RASGRF2: variants seen among roughly 807,000 people sequenced by gnomAD.
RASGRF2 encodes Ras protein specific guanine nucleotide releasing factor 2, also known as ras-specific guanine nucleotide-releasing factor 2.
A neutral mutation model predicts 151.0 loss-of-function variants in RASGRF2; 76 were observed. The observed-to-expected ratio is 0.50, with a 90% confidence interval of 0.42 to 0.61. The LOEUF (loss-of-function observed/expected upper bound fraction) is 0.61. Ranked by LOEUF, RASGRF2 falls within the 20% of genes least tolerant of loss-of-function variation. The probability of loss-of-function intolerance (pLI) is 0.00; values close to 1 mark genes in which losing one functional copy is unlikely to be tolerated. For synonymous variants in RASGRF2, 504 were observed against 566.5 expected (o/e 0.89, Z 1.57); for missense variants, 1,148 against 1,564.6 (o/e 0.73, Z 4.49).
chr5:81,128,435 C>A (rs1247287970), intron 17 of RASGRF2, among the ~76,000 whole-genome samples: 1 of 152,138 alleles, frequency 6.6e-6, no homozygotes, highest in African/African-American at 2.4e-5. Flanking sequence ...GCAAAAGCTC[C>A]TTCAGGTGAG....
intron 5 of RASGRF2, among the ~76,000 whole-genome samples, chr5:81,079,312 T>C (rs1305886758): frequency 6.6e-6 from 1 of 152,230 alleles, no homozygotes; most frequent in Non-Finnish European, 1.5e-5. Context: ...TAAATTAGAA[T>C]CTCATGGAGC....
chr5:81,112,981 A>C, intron 14 of RASGRF2, 123 bp downstream of exon 14: 1 of 1,270,526 alleles, frequency 7.9e-7, no homozygotes, highest in Non-Finnish European at 1.1e-6. Context: ...CTTGCCTCTG[A>C]ATGTACCATG....
At chr5:81,213,745 A>C (rs1009248714) in intron 23 of RASGRF2, among the ~76,000 whole-genome samples, 1 of 152,104 alleles carries the variant, frequency 6.6e-6, no homozygotes, top group Non-Finnish European at 1.5e-5. Context: ...TCAGAGTAAA[A>C]ATGCAGTGCT....
At chr5:80,995,990 G>A (rs1447631592) in intron 1 of RASGRF2, among the ~76,000 whole-genome samples, 1 of 151,976 alleles carries the variant, frequency 6.6e-6, no homozygotes, top group Non-Finnish European at 1.5e-5. Context: ...ACTGCACCCA[G>A]CCCCAAACCA....
At chr5:81,086,974 C>T (rs751138149) in intron 9 of RASGRF2, 21 bp downstream of exon 9, 20 of 1,582,278 alleles carry the variant, frequency 1.3e-5, no homozygotes, top group Non-Finnish European at 1.4e-5. Flanking sequence ...GTGAAATGGA[C>T]CCGCGACCTG....
chr5:80,967,682 C>G (rs543380856), intron 1 of RASGRF2, among the ~76,000 whole-genome samples: 69 of 152,180 alleles, frequency 4.5e-4, no homozygotes, highest in Non-Finnish European at 8.2e-4. Context: ...CTAATGTAAA[C>G]AGTGGGGTCA....
chr5:81,136,159 A>G (rs1039846370), intron 17 of RASGRF2, among the ~76,000 whole-genome samples: 2 of 152,178 alleles, frequency 1.3e-5, no homozygotes, highest in African/African-American at 4.8e-5. Flanking sequence ...ACTTTAAGCA[A>G]AGTTATCTTT....
intron 17 of RASGRF2, among the ~76,000 whole-genome samples, chr5:81,155,451 C>T (rs879397908): frequency 6.6e-6 from 1 of 152,088 alleles, no homozygotes; most frequent in African/African-American, 2.4e-5. Context: ...AAATCTTAAA[C>T]TAGATTGATC....
At chr5:81,036,153 A>G (rs545022075) in intron 1 of RASGRF2, among the ~76,000 whole-genome samples, 3 of 151,972 alleles carry the variant, frequency 2.0e-5, no homozygotes, top group Admixed American at 1.3e-4. Context: ...AATGTTTTTC[A>G]TTTTGGTCTT....
At position 81,189,553 on chromosome 5, in the gene RASGRF2, C is replaced by T. The variant is rs185753989; in HGVS notation, c.2793+9272C>T. Among the ~76,000 whole-genome samples the T allele has an allele frequency of 3.0e-3, 452 of 149,876 alleles. 4 individuals carry two copies. Among genetic ancestry groups the T allele is most frequent in the Middle Eastern group, 7.0e-3 (2 of 286 alleles). On this transcript the variant is annotated intron_variant, in intron 18 of 26. Coordinates refer to ENST00000265080, the MANE Select transcript of RASGRF2 (RefSeq NM_006909.3). ...TCACCCAGGCTGGGGGGCAGTGGTG[C>T]GATCGTAGCTCACTATAGCCTTGAC...
intron 2 of RASGRF2, among the ~76,000 whole-genome samples, chr5:81,063,870 A>C (rs1751516617): frequency 6.6e-6 from 1 of 152,080 alleles, no homozygotes; most frequent in Non-Finnish European, 1.5e-5. Context: ...CTTATGTCTA[A>C]TATCCTTCCA....
chr5:81,037,295 G>A (rs1011157694), intron 1 of RASGRF2, among the ~76,000 whole-genome samples: 1 of 152,176 alleles, frequency 6.6e-6, no homozygotes, highest in Non-Finnish European at 1.5e-5. Flanking sequence ...TAAAAAATAT[G>A]TATTCTGCCC....
intron 1 of RASGRF2, among the ~76,000 whole-genome samples, chr5:80,993,544 G>C (rs907069659): frequency 1.3e-5 from 2 of 152,170 alleles, no homozygotes; most frequent in Non-Finnish European, 2.9e-5. Context: ...GCAAGAAAGA[G>C]CTGACATTCT....
intron 1 of RASGRF2, among the ~76,000 whole-genome samples, chr5:80,996,323 G>C (rs502265): frequency 0.46 from 68,704 of 150,762 alleles, 16,032 homozygotes; most frequent in African/African-American, 0.57. Flanking sequence ...CTCTCTCTCT[G>C]TGTGTGTGAT....
intron 6 of RASGRF2, 144 bp downstream of exon 6, chr5:81,080,344 C>T: frequency 1.4e-6 from 2 of 1,449,662 alleles, no homozygotes; most frequent in Non-Finnish European, 1.8e-6. Context: ...TGTCTCCTTG[C>T]CTTTTGGGTA....
At chr5:81,065,784 T>A (rs1344591004) in intron 2 of RASGRF2, among the ~76,000 whole-genome samples, 1 of 152,152 alleles carries the variant, frequency 6.6e-6, no homozygotes, top group East Asian at 1.9e-4. Context: ...CTTGCTTAGT[T>A]TTTCTCTTCA....
intron 15 of RASGRF2, among the ~76,000 whole-genome samples, chr5:81,122,673 T>A (rs1415853331): frequency 6.6e-6 from 1 of 152,206 alleles, no homozygotes; most frequent in Non-Finnish European, 1.5e-5. Context: ...TAAGCTGTTA[T>A]CAATGGGAAT....
At chr5:81,030,025 A>G (rs1344954703) in intron 1 of RASGRF2, among the ~76,000 whole-genome samples, 2 of 152,248 alleles carry the variant, frequency 1.3e-5, no homozygotes, top group Non-Finnish European at 2.9e-5. Flanking sequence ...TCAGTAGCCA[A>G]TTCGATCAAG....
chr5:81,043,064 A>G (rs897388010), intron 2 of RASGRF2, 81 bp downstream of exon 2: 1 of 1,055,404 alleles, frequency 9.5e-7, no homozygotes, highest in East Asian at 2.6e-5. Context: ...TAGTTTTGGA[A>G]GAACTTGCAA....
Sources: gnomAD v4.1 joint callset for allele counts (sites outside exome capture counted in the v4.1 genomes callset) on GRCh38, gnomAD v4.1.1 for gene constraint, MANE v1.5 for transcripts, NCBI Gene and HGNC (gene_info 2026-07-23, HGNC 2026-07-21) for gene names.